DRC8: variants seen among roughly 807,000 people sequenced by gnomAD.
DRC8 encodes dynein regulatory complex protein 8.
chr1:245,003,194 G>A, the DRC8 span, among the ~76,000 whole-genome samples: 2 of 152,142 alleles, frequency 1.3e-5, no homozygotes, highest in African/African-American at 4.8e-5. Flanking sequence ...ATCTGTTGAT[G>A]GACATTTGGG....
chr1:245,039,104 A>G, the DRC8 span, among the ~76,000 whole-genome samples: 6 of 148,204 alleles, frequency 4.0e-5, no homozygotes, highest in East Asian at 9.7e-4. Context: ...TATTTACTGC[A>G]TTATTCACAA....
chr1:245,100,395 GTAATAA>G, the DRC8 span, among the ~76,000 whole-genome samples: 3 of 149,286 alleles, frequency 2.0e-5, no homozygotes, highest in African/African-American at 7.4e-5. Flanking sequence ...AAAAGTAGTA[GTAATAA>G]TAATAATAAT....
the DRC8 span, chr1:245,017,273 CAA>C: frequency 4.4e-6 from 7 of 1,609,118 alleles, no homozygotes; most frequent in African/African-American, 6.7e-5. Context: ...ACAAAAAAAT[CAA>C]AGAGGCATTT....
chr1:245,010,526 C>T, the DRC8 span, among the ~76,000 whole-genome samples: 2 of 152,122 alleles, frequency 1.3e-5, no homozygotes, highest in Admixed American at 6.5e-5. Context: ...CGGAGCCTGT[C>T]GTGCCCTGGT....
chr1:245,118,646 C>A, the DRC8 span, among the ~76,000 whole-genome samples: 1 of 151,878 alleles, frequency 6.6e-6, no homozygotes, highest in African/African-American at 2.4e-5. Context: ...ACAAAATTAG[C>A]CTGGCGTGGT....
chr1:245,109,480 C>T, the DRC8 span, among the ~76,000 whole-genome samples: 1 of 152,172 alleles, frequency 6.6e-6, no homozygotes, highest in East Asian at 1.9e-4. Flanking sequence ...TGAGGTCTTT[C>T]CTGAAGAAGA....
At chr1:244,984,601 G>A in the DRC8 span, among the ~76,000 whole-genome samples, 1 of 152,076 alleles carries the variant, frequency 6.6e-6, no homozygotes, top group Admixed American at 6.6e-5. Context: ...TTGGGAAATT[G>A]AGGCAGGTGG....
At chr1:245,025,770 A>G in the DRC8 span, among the ~76,000 whole-genome samples, 1 of 152,178 alleles carries the variant, frequency 6.6e-6, no homozygotes, top group Non-Finnish European at 1.5e-5. Context: ...GTAAGAGGTA[A>G]TTGAATCATA....
chr1:245,031,675 T>C, the DRC8 span, among the ~76,000 whole-genome samples: 1 of 152,080 alleles, frequency 6.6e-6, no homozygotes, highest in South Asian at 2.1e-4. Context: ...GCTGTTATCC[T>C]CACATAGTGG....
At chr1:245,013,314 A>T in the DRC8 span, among the ~76,000 whole-genome samples, 6 of 152,226 alleles carry the variant, frequency 3.9e-5, no homozygotes, top group African/African-American at 1.4e-4. Context: ...ATCTCAACAG[A>T]TGTGACTACC....
At chr1:245,037,484 A>G in the DRC8 span, among the ~76,000 whole-genome samples, 1 of 152,222 alleles carries the variant, frequency 6.6e-6, no homozygotes, top group Admixed American at 6.5e-5. Context: ...CTTAGCATAA[A>G]ATATGTGTGT....
the DRC8 span, among the ~76,000 whole-genome samples, chr1:245,110,801 G>C: frequency 6.6e-6 from 1 of 152,234 alleles, no homozygotes; most frequent in Non-Finnish European, 1.5e-5. Context: ...GCATTAAGAG[G>C]AAATGTTAGT....
the DRC8 span, among the ~76,000 whole-genome samples, chr1:245,103,225 C>G: frequency 9.8e-5 from 5 of 51,078 alleles, no homozygotes; most frequent in Admixed American, 1.7e-4. Context: ...TTGTTTATTT[C>G]AGTCCTCCAC....
the DRC8 span, chr1:245,086,994 A>G: frequency 1.7e-6 from 1 of 573,580 alleles, no homozygotes; most frequent in East Asian, 3.3e-5. Context: ...TTTGCCTGAA[A>G]TGACGTGTTC....
At chr1:244,990,793 G>A in the DRC8 span, among the ~76,000 whole-genome samples, 3 of 151,192 alleles carry the variant, frequency 2.0e-5, no homozygotes, top group South Asian at 2.1e-4. Flanking sequence ...GAGCCACTGC[G>A]CCTGGCCTAA....
the DRC8 span, among the ~76,000 whole-genome samples, chr1:245,093,957 A>G: frequency 1.3e-5 from 2 of 152,286 alleles, no homozygotes; most frequent in South Asian, 2.1e-4. Context: ...AACTTAGGAA[A>G]TGTACTGAAG....
the DRC8 span, chr1:244,970,163 G>T: frequency 1.4e-6 from 1 of 699,198 alleles, no homozygotes; most frequent in Non-Finnish European, 2.6e-6. Flanking sequence ...CCTCGGGTCT[G>T]GAGGGACAAG....
the DRC8 span, among the ~76,000 whole-genome samples, chr1:245,004,369 A>C: frequency 6.6e-6 from 1 of 152,036 alleles, no homozygotes; most frequent in African/African-American, 2.4e-5. Context: ...ACAGTGTATC[A>C]GTAACAAATA....
the DRC8 span, among the ~76,000 whole-genome samples, chr1:245,029,170 T>C: frequency 0.27 from 41,022 of 152,202 alleles, 5,924 homozygotes; most frequent in Middle Eastern, 0.35. Context: ...AGGAATGGCA[T>C]TGTGACAAGA....
Sources: gnomAD v4.1 joint callset for allele counts (sites outside exome capture counted in the v4.1 genomes callset) on GRCh38, gnomAD v4.1.1 for gene constraint, MANE v1.5 for transcripts, NCBI Gene and HGNC (gene_info 2026-07-23, HGNC 2026-07-21) for gene names.